Variants in ORC3 observed in about 807,000 individuals in gnomAD.
The protein encoded by ORC3 is origin recognition complex subunit 3, also known as homolog of latheo, Drosophila.
ORC3 carries 78 observed loss-of-function variants against 100.7 expected under a neutral mutation model. The ratio of observed to expected loss-of-function variants is 0.77; its 90% CI spans 0.65 to 0.94. The LOEUF is 0.94. ORC3 is among the 40% of genes least tolerant of loss of function. The pLI, the probability that ORC3 is intolerant of heterozygous loss-of-function variation, is 0.00. For missense variants in ORC3, 789 were observed against 823.9 expected (o/e 0.96, Z 0.52); for synonymous variants, 295 against 289.3 (o/e 1.02, Z -0.20).
intron 13 of ORC3, among the ~76,000 whole-genome samples, chr6:87,652,044 G>A (rs899859355): frequency 2.7e-5 from 4 of 150,162 alleles, no homozygotes; most frequent in Non-Finnish European, 4.4e-5. Flanking sequence ...GACTACAGGC[G>A]CCCACCACTA....
At chr6:87,590,543 TC>T (rs534182342) in intron 1 of ORC3, among the ~76,000 whole-genome samples, 19 of 152,292 alleles carry the variant, frequency 1.2e-4, no homozygotes, top group African/African-American at 4.6e-4. Flanking sequence ...AGATTCAGTT[TC>T]TGCAGTCAAG....
chr6:87,675,531 A>G, the ORC3 span: 2 of 1,593,228 alleles, frequency 1.3e-6, no homozygotes, highest in Non-Finnish European at 1.7e-6. Flanking sequence ...GCTGCATGTC[A>G]TAATTGGGAC....
At chr6:87,655,671 T>A (rs904411791) in intron 14 of ORC3, among the ~76,000 whole-genome samples, 4 of 151,618 alleles carry the variant, frequency 2.6e-5, no homozygotes, top group African/African-American at 7.2e-5. Context: ...TTATTATTTT[T>A]TTTTTTTTTA....
chr6:87,614,139 T>C lies in ORC3; in HGVS notation c.873+1891T>C, dbSNP rs528033362. ...GCTTTTCCATACATCTTCTGAAATC[T>C]AGACGGAGGTTCCCACACCCCAGTT... On this transcript the variant is annotated intron_variant, in intron 8 of 19. Transcript: ENST00000392844. Among the ~76,000 whole-genome samples, 38 of 152,306 alleles carry C rather than the reference T, an allele frequency of 2.5e-4. No homozygotes were observed. In the South Asian group the frequency reaches 7.9e-3, roughly 32 times the overall value.
intron 14 of ORC3, 75 bp from the exon 15 acceptor site, chr6:87,656,831 G>GGAGT (rs1769741496): frequency 2.2e-6 from 2 of 895,856 alleles, no homozygotes; most frequent in Admixed American, 2.3e-5. Context: ...CTTTTACTTT[G>GGAGT]GAGTAGTAGA....
At chr6:87,647,262 A>G (rs1768873904) in intron 13 of ORC3, among the ~76,000 whole-genome samples, 3 of 152,000 alleles carry the variant, frequency 2.0e-5, no homozygotes, top group Admixed American at 1.3e-4. Flanking sequence ...CTCTCCCCAC[A>G]TGGCCTCTCT....
At chr6:87,669,654 T>C (rs1582107197), downstream of ORC3, among the ~76,000 whole-genome samples, 1 of 152,358 alleles carries the variant, frequency 6.6e-6, no homozygotes, top group East Asian at 1.9e-4. Flanking sequence ...ATTCCATGAT[T>C]TACCTTCATA....
chr6:87,672,887 T>G, the ORC3 span, among the ~76,000 whole-genome samples: 1 of 143,188 alleles, frequency 7.0e-6, no homozygotes, highest in East Asian at 1.9e-4. Flanking sequence ...ACTAAACACA[T>G]CATAGTACAG....
intron 5 of ORC3, among the ~76,000 whole-genome samples, chr6:87,606,409 A>G (rs756713209): frequency 3.9e-5 from 6 of 152,218 alleles, no homozygotes; most frequent in Non-Finnish European, 8.8e-5. Context: ...TCAGCCATAA[A>G]TCATCTTATT....
intron 13 of ORC3, among the ~76,000 whole-genome samples, chr6:87,647,440 T>G (rs1428638210): frequency 6.6e-6 from 1 of 152,216 alleles, no homozygotes; most frequent in Non-Finnish European, 1.5e-5. Flanking sequence ...TTTATGTACT[T>G]GATCAAATGT....
At position 87,602,953 on chromosome 6, in the gene ORC3, TAA is replaced by T. The variant is rs1491339783; in HGVS notation, c.178-430_178-429del. 7.0e-3 allele frequency among the ~76,000 whole-genome samples: 686 copies of T among 97,920 alleles called. 19 individuals carry two copies. The highest frequency in any genetic ancestry group is 0.029 in the African/African-American group (634 of 21,718). 64.2% of individuals were successfully genotyped at this position (97,920 alleles called of 152,430 possible). A position where few individuals can be genotyped will look rare whatever the true frequency, so the allele number is the denominator to read the frequency against. On this transcript the variant is annotated intron_variant, in intron 3 of 19. Transcript: ENST00000392844. ...ACGTTTATATATATATACACATATA[TAA>T]TATATATATATATATACATATATAT... is the stretch of plus-strand genomic sequence containing the variant.
At chr6:87,642,707 C>G (rs1427731418) in intron 13 of ORC3, among the ~76,000 whole-genome samples, 3 of 151,368 alleles carry the variant, frequency 2.0e-5, no homozygotes, top group African/African-American at 7.3e-5. Context: ...TTGAGACCAT[C>G]CTGGCTAACA....
chr6:87,647,820 G>GTTC (rs1333483358), intron 13 of ORC3, among the ~76,000 whole-genome samples: 3 of 152,160 alleles, frequency 2.0e-5, no homozygotes, highest in Non-Finnish European at 4.4e-5. Flanking sequence ...TTTATTTGAG[G>GTTC]TGCTATATAT....
chr6:87,634,821 A>T, intron 11 of ORC3, 24 bp from the exon 12 acceptor site: 1 of 1,065,354 alleles, frequency 9.4e-7, no homozygotes, highest in Non-Finnish European at 1.5e-6. Context: ...CTTACATATT[A>T]ATAATATATT....
At chr6:87,651,372 T>G (rs1769254352) in intron 13 of ORC3, 2 of 450,268 alleles carry the variant, frequency 4.4e-6, no homozygotes, top group African/African-American at 2.0e-5. Flanking sequence ...GCTAATCTTG[T>G]CTATTTGAAT....
At chr6:87,623,524 T>G (rs1235478131) in intron 11 of ORC3, among the ~76,000 whole-genome samples, 1 of 152,226 alleles carries the variant, frequency 6.6e-6, no homozygotes, top group Non-Finnish European at 1.5e-5. Flanking sequence ...AATAGATTTT[T>G]TAAGAGTACC....
chr6:87,593,147 T>C (rs1383045649), intron 1 of ORC3, among the ~76,000 whole-genome samples: 2 of 152,082 alleles, frequency 1.3e-5, no homozygotes, highest in Non-Finnish European at 2.9e-5. Context: ...CATGTATGAC[T>C]TTAGAATTGG....
the ORC3 span, among the ~76,000 whole-genome samples, chr6:87,674,739 G>A: frequency 6.7e-6 from 1 of 150,026 alleles, no homozygotes; most frequent in Non-Finnish European, 1.5e-5. Context: ...CTCCCAAAGT[G>A]CTGGGATTAC....
At chr6:87,640,466 C>T (rs770000967) in intron 13 of ORC3, among the ~76,000 whole-genome samples, 1 of 152,138 alleles carries the variant, frequency 6.6e-6, no homozygotes, top group Non-Finnish European at 1.5e-5. Flanking sequence ...TTCTGCCTTT[C>T]CTTGCTCAGT....
Sources: gnomAD v4.1 joint callset for allele counts (sites outside exome capture counted in the v4.1 genomes callset) on GRCh38, gnomAD v4.1.1 for gene constraint, MANE v1.5 for transcripts, NCBI Gene and HGNC (gene_info 2026-07-23, HGNC 2026-07-21) for gene names.